Variants in LIG4 observed in about 807,000 individuals in gnomAD.
The protein encoded by LIG4 is DNA joinase.
In LIG4, 13 loss-of-function variants were observed where a neutral mutation model predicts 19.0. The observed-to-expected ratio is 0.68, with a 90% CI of 0.44 to 1.09. LIG4 has a LOEUF of 1.09. Ranked by LOEUF, LIG4 falls within the 50% of genes least tolerant of loss-of-function variation. LIG4 has a pLI of 0.00. For synonymous variants in LIG4, 361 were observed against 358.2 expected, an observed-to-expected ratio of 1.01 and a Z score of -0.09; for missense variants, 1,026 against 1,089.7, an observed-to-expected ratio of 0.94 and a Z score of 0.82.
rs1301130240 is a variant in LIG4 at position 108,207,544 on chromosome 13, T to C, written c.*989A>G. On this transcript the variant is annotated 3_prime_UTR_variant, in exon 3 of 3. Transcript: ENST00000442234. ...AAAATTTCCAATAACTTTCAAATAA[T>C]GCACACATAGTATCGCATGGATCAA... 6.6e-6 allele frequency: 1 copy of C among 152,202 alleles called. No individual in the cohort carries two copies. The highest frequency in any genetic ancestry group is 1.5e-5 in the Non-Finnish European group (1 of 68,016). The allele number at this position is 152,202 out of a possible 1,614,324, so 9.4% of individuals were successfully genotyped here.
In LIG4 at chr13:108,209,237, G is replaced by C. The variant is rs1470084590; in HGVS notation, c.2032C>G (p.Leu678Val). 2 of 1,614,064 alleles carry C rather than the reference G, an allele frequency of 1.2e-6. No homozygotes were observed. The highest frequency in any genetic ancestry group is 1.7e-6 in the Non-Finnish European group (2 of 1,179,998). Residue 678 changes from leucine to valine, a missense_variant, in exon 3 of 3, where the codon CTG becomes GTG. By Grantham distance (32) the Leu-to-Val change is conservative. Coordinates refer to ENST00000442234, the MANE Select transcript of LIG4 (RefSeq NM_206937.2). ...SGTDSQPKPD[L>V]ENRIAEFGGY... Reference sequence around the variant, plus strand: ...CCAAATTCTGCAATTCTGTTCTCCAGGTCAGGCTTTGGCTGGCTATCTGTT... The same window carrying C: ...CCAAATTCTGCAATTCTGTTCTCCACGTCAGGCTTTGGCTGGCTATCTGTT...
In LIG4 at chr13:108,211,086, T is replaced by C; in HGVS notation, c.183A>G (p.Thr61=). The C allele has an allele frequency of 6.2e-7, 1 of 1,608,198 alleles. No individual in the cohort carries two copies. The highest frequency in any genetic ancestry group is 2.2e-5 in the East Asian group (1 of 44,822). The change falls in exon 3 of 3, where the codon ACA becomes ACG. Residue 61 remains threonine (T), a synonymous_variant. Coordinates refer to ENST00000442234, the MANE Select transcript of LIG4 (RefSeq NM_206937.2). The stretch of plus-strand genomic sequence containing the variant: ...GTCTCATTGCTGGATAAAAAGAGTC[T>C]GTGACATCTTTGTGGTTCTTATGAA... ...DALHKNHKDV[T]DSFYPAMRLI... is the part of the protein sequence containing the mutation.
rs1594458974 is a variant in LIG4, at chr13:108,209,725, A to C, written c.1544T>G (p.Leu515Arg). ...GGCCAATTTCAAACCCAGATCATAC[A>C]GTTCTTTCATGGTGCAGCCAGACCC... is the stretch of plus-strand genomic sequence containing the variant. The part of the protein sequence containing the change: ...RVGSGCTMKE[L>R]YDLGLKLAKY... The change falls in exon 3 of 3, where the codon CTG becomes CGG. Residue 515 changes from leucine to arginine, a missense_variant. Leu to Arg is a moderately radical substitution (Grantham distance 102). Coordinates refer to ENST00000442234, the MANE Select transcript of LIG4 (RefSeq NM_206937.2). 1 of 1,614,132 alleles carries C rather than the reference A, an allele frequency of 6.2e-7. No individual in the cohort carries two copies. Among genetic ancestry groups the C allele is most frequent in the Non-Finnish European group, 8.5e-7 (1 of 1,180,000 alleles).
rs1878109357 is a variant in LIG4 at position 108,208,093 on chromosome 13, C to A, written c.*440G>T. 1 of 153,788 alleles carries A rather than the reference C, an allele frequency of 6.5e-6. No individual in the cohort carries two copies. The highest frequency in any genetic ancestry group is 1.4e-5 in the Non-Finnish European group (1 of 69,188). The allele number at this position is 153,788 out of a possible 1,614,324, so 9.5% of individuals were successfully genotyped here. A position where few individuals can be genotyped will look rare whatever the true frequency, so the allele number is the denominator to read the frequency against. On this transcript the variant is annotated 3_prime_UTR_variant, in exon 3 of 3. Transcript: ENST00000442234. ...CATATTTTTACAAGTCCAGCTGTAA[C>A]AATTCTACCCTATTTTCTTGCAGTG...
Position 108,208,375 on chromosome 13 carries a change from C to T in LIG4, c.*158G>A, listed in dbSNP as rs1252291991. ...TGGCTTTGGGCTATTGTCTTTTCAA[C>T]CTTAAAAGTTAAAATTATTGTTTTC... On this transcript the variant is annotated 3_prime_UTR_variant, in exon 3 of 3. Transcript: ENST00000442234. The T allele has an allele frequency of 1.5e-5, 9 of 596,292 alleles. No individual in the cohort carries two copies. The East Asian group carries it at 2.6e-4, about 17-fold the overall frequency. 36.9% of individuals were successfully genotyped at this position (596,292 alleles called of 1,614,324 possible). A position where few individuals can be genotyped will look rare whatever the true frequency, so the allele number is the denominator to read the frequency against.
chr13:108,215,674 G>C (rs1463902043), upstream of LIG4: 2 of 151,256 alleles, frequency 1.3e-5, no homozygotes, highest in African/African-American at 4.9e-5. Context: ...CTGCGGAGGC[G>C]GGACCTGCAG....
chr13:108,208,829 G>T lies in LIG4; in HGVS notation c.2440C>A (p.Arg814=). 6.2e-7 allele frequency: 1 copy of T among 1,614,028 alleles called. No individual in the cohort carries two copies. The highest frequency in any genetic ancestry group is 1.7e-5 in the Admixed American group (1 of 60,000). ...SWDCSPLSMF[R]RHTVYLDSYA... is the part of the protein sequence containing the mutation. The stretch of plus-strand genomic sequence containing the variant: ...GAGTCCAAATAAACGGTGTGGCGTC[G>T]AAACATACTGAGAGGAGAGCAATCC... Residue 814 remains arginine (R), a synonymous_variant, in exon 3 of 3, where the codon CGA becomes AGA. Transcript: ENST00000442234.
In LIG4 at chr13:108,208,477, C is replaced by G. The variant is rs886049947; in HGVS notation, c.*56G>C. 22 of 1,059,100 alleles carry G rather than the reference C, an allele frequency of 2.1e-5. No individual in the cohort carries two copies. Among genetic ancestry groups the G allele is most frequent in the Non-Finnish European group, 2.9e-5 (20 of 693,312 alleles). 65.6% of individuals were successfully genotyped at this position (1,059,100 alleles called of 1,614,324 possible). On this transcript the variant is annotated 3_prime_UTR_variant, in exon 3 of 3. Coordinates refer to ENST00000442234, the MANE Select transcript of LIG4 (RefSeq NM_206937.2). ...ATGTAGTTTAGTATTTTATCATTAC[C>G]ACCTGCTGCAATGAGTCTGCCAGAT...
At chr13:108,212,178 G>T (rs1878730761) in intron 2 of LIG4, among the ~76,000 whole-genome samples, 1 of 137,208 alleles carries the variant, frequency 7.3e-6, no homozygotes, top group Non-Finnish European at 1.6e-5. Context: ...AATATATTCT[G>T]TAAAAAAAAA....
chr13:108,212,039 A>C (rs555354515), intron 2 of LIG4, among the ~76,000 whole-genome samples: 1 of 152,114 alleles, frequency 6.6e-6, no homozygotes, highest in South Asian at 2.1e-4. Flanking sequence ...TATAAGTATA[A>C]ATTTATTAGT....
At position 108,208,799 on chromosome 13, in the gene LIG4, C is replaced by A. The variant is rs907521049; in HGVS notation, c.2470G>T (p.Ala824Ser). ...TTGGTACTCAGGTCATTAATAACAG[C>A]ATACGAGTCCAAATAAACGGTGTGG... ...RRHTVYLDSY[A>S]VINDLSTKNE... Residue 824 changes from alanine (A) to serine (S), a missense_variant, in exon 3 of 3, where the codon GCT (alanine) becomes TCT (serine). This residue lies in a region of LIG4 where 521 missense variants were observed against 515.5 expected (regional missense o/e 1.01). Transcript: ENST00000442234. 5 of 1,614,008 alleles carry A rather than the reference C, an allele frequency of 3.1e-6. No homozygotes were observed. In the Admixed American group the frequency reaches 8.3e-5, roughly 27 times the overall value.
chr13:108,211,908 T>C (rs1878702229), intron 2 of LIG4, among the ~76,000 whole-genome samples: 2 of 152,280 alleles, frequency 1.3e-5, no homozygotes, highest in South Asian at 2.1e-4. Context: ...CCTACGTCTA[T>C]GTTTCCTTTC....
At chr13:108,214,430 T>C (rs926657696) in intron 2 of LIG4, 108 bp downstream of exon 2, 2 of 152,180 alleles carry the variant, frequency 1.3e-5, no homozygotes, top group African/African-American at 2.4e-5. Context: ...CCCGCTCCAA[T>C]GCCCCCTGTA....
rs1157629266 is a variant in LIG4, at chr13:108,210,046, G to A, written c.1223C>T (p.Ala408Val). 2 of 1,612,346 alleles carry A rather than the reference G, an allele frequency of 1.2e-6. No homozygotes were observed. The highest frequency in any genetic ancestry group is 3.3e-5 in the Admixed American group (2 of 60,022). Reference protein sequence around the residue: ...GRIEIVQKTQAHTKNEVIDAL... With the variant: ...GRIEIVQKTQVHTKNEVIDAL... ...ATCAATTACTTCATTCTTAGTATGA[G>A]CTTGTGTTTTCTGCACTATTTCTAT... Residue 408 changes from alanine (A) to valine (V), a missense_variant, in exon 3 of 3, where the codon GCT (alanine) becomes GTT (valine). Physicochemically the swap from Ala to Val is moderately conservative, Grantham distance 64. Transcript: ENST00000442234.
At position 108,210,992 on chromosome 13, in the gene LIG4, A is replaced by T. The variant is rs1250662168; in HGVS notation, c.277T>A (p.Tyr93Asn). 1 of 1,606,542 alleles carries T rather than the reference A, an allele frequency of 6.2e-7. No individual in the cohort carries two copies. Among genetic ancestry groups the T allele is most frequent in the South Asian group, 1.1e-5 (1 of 88,732 alleles). Residue 93 changes from tyrosine to asparagine, a missense_variant, in exon 3 of 3, where the codon TAT becomes AAT. By Grantham distance (143) the Tyr-to-Asn change is moderately radical. This residue lies in a region of LIG4 where 493 missense variants were observed against 544.5 expected (regional missense o/e 0.91). Transcript: ENST00000442234. The part of the protein sequence containing the change: ...GIKETMLAKL[Y>N]IELLNLPRDG... ...CTAGGTAAATTAAGCAACTCAATAT[A>T]AAGCTTAGCAAGCATAGTTTCTTTA... is the stretch of plus-strand genomic sequence containing the variant.
In LIG4 at chr13:108,210,830, G is replaced by A. The variant is rs751559661; in HGVS notation, c.439C>T (p.Gln147Ter). The change falls in exon 3 of 3, where the codon CAA becomes TAA. Residue 147 changes from glutamine to a stop codon, truncating the protein, a stop_gained. Coordinates refer to ENST00000442234, the MANE Select transcript of LIG4 (RefSeq NM_206937.2). LOFTEE classifies it high-confidence loss of function. Reference protein sequence around the residue: ...CLQKGSLTIQQVNDLLDSIAS... With the variant: ...CLQKGSLTIQ ...ATTGAGTCTAAAAGGTCGTTTACTT[G>A]CTGTATGGTTAAACTTCCTTTCTGT... 6.2e-7 allele frequency: 1 copy of A among 1,613,706 alleles called. No homozygotes were observed. The highest frequency in any genetic ancestry group is 1.7e-5 in the Admixed American group (1 of 59,988).
intron 1 of LIG4, chr13:108,214,823 G>C (rs1188922636): frequency 1.3e-5 from 2 of 151,108 alleles, no homozygotes; most frequent in East Asian, 3.9e-4. Flanking sequence ...CAAACACCCT[G>C]CTTGCTGCCC....
chr13:108,210,054 T>G lies in LIG4; in HGVS notation c.1215A>C (p.Lys405Asn), dbSNP rs1417461102. The G allele has an allele frequency of 1.2e-6, 2 of 1,612,780 alleles. No homozygotes were observed. The highest frequency in any genetic ancestry group is 4.5e-5 in the East Asian group (2 of 44,868). ...CTTCATTCTTAGTATGAGCTTGTGT[T>G]TTCTGCACTATTTCTATTCTACCTG... ...PIPGRIEIVQ[K>N]TQAHTKNEVI... Residue 405 changes from lysine (K) to asparagine (N), a missense_variant, in exon 3 of 3, where the codon AAA (lysine) becomes AAC (asparagine). Transcript: ENST00000442234.
upstream of LIG4, among the ~76,000 whole-genome samples, chr13:108,217,527 G>C (rs925642083): frequency 8.2e-5 from 12 of 147,188 alleles, no homozygotes; most frequent in Admixed American, 2.0e-4. Context: ...TCTCAAAACA[G>C]CAACAAAACA....
Sources: gnomAD v4.1 joint callset for allele counts (sites outside exome capture counted in the v4.1 genomes callset) on GRCh38, gnomAD v4.1.1 for gene constraint, gnomAD v4.1.1 regional missense constraint, MANE v1.5 for transcripts, NCBI Gene and HGNC (gene_info 2026-07-23, HGNC 2026-07-21) for gene names.